XKR6: variants seen among roughly 807,000 people sequenced by gnomAD.
XKR6 encodes the protein XK related 6.
A neutral mutation model predicts 56.7 loss-of-function variants in XKR6; 22 were observed. The observed-to-expected ratio is 0.39, with a 90% CI of 0.28 to 0.55. The LOEUF (loss-of-function observed/expected upper bound fraction) is 0.55, where lower values mean the gene tolerates loss of function less well. Ranked by LOEUF, XKR6 falls within the 20% of genes least tolerant of loss-of-function variation. The pLI, the probability that XKR6 is intolerant of heterozygous loss-of-function variation, is 0.66. For synonymous variants in XKR6, 524 were observed against 387.8 expected, an observed-to-expected ratio of 1.35 and a Z score of -4.13; for missense variants, 852 against 889.0, an observed-to-expected ratio of 0.96 and a Z score of 0.53.
intron 1 of XKR6, among the ~76,000 whole-genome samples, chr8:11,159,848 C>T (rs1801705603): frequency 6.6e-6 from 1 of 152,188 alleles, no homozygotes; most frequent in Non-Finnish European, 1.5e-5. Context: ...TACCTTATCT[C>T]TTCTGGCCTT....
chr8:11,029,862 C>T (rs1798952590), intron 1 of XKR6, among the ~76,000 whole-genome samples: 1 of 152,154 alleles, frequency 6.6e-6, no homozygotes, highest in Non-Finnish European at 1.5e-5. Context: ...TCTTACCTTT[C>T]TATCCCTACT....
chr8:11,167,040 G>C (rs1276885160), intron 1 of XKR6, among the ~76,000 whole-genome samples: 1 of 152,226 alleles, frequency 6.6e-6, no homozygotes, highest in African/African-American at 2.4e-5. Flanking sequence ...TAGAAGGAAA[G>C]GCTTCTGTGG....
chr8:11,007,050 A>C (rs1452841347), intron 1 of XKR6, among the ~76,000 whole-genome samples: 1 of 152,220 alleles, frequency 6.6e-6, no homozygotes, highest in East Asian at 1.9e-4. Flanking sequence ...GCTTCTGATC[A>C]GGATTTAATT....
At chr8:10,962,100 A>G (rs1802081463) in intron 1 of XKR6, among the ~76,000 whole-genome samples, 2 of 152,228 alleles carry the variant, frequency 1.3e-5, no homozygotes, top group Non-Finnish European at 2.9e-5. Flanking sequence ...CCTAATCATG[A>G]CTTTCCGCGG....
chr8:10,905,544 G>C (rs1800163619), intron 2 of XKR6, among the ~76,000 whole-genome samples: 1 of 152,170 alleles, frequency 6.6e-6, no homozygotes, highest in African/African-American at 2.4e-5. Flanking sequence ...TAACTTGTAT[G>C]GCATTGTACC....
intron 1 of XKR6, chr8:11,128,701 T>G (rs1799951495): frequency 2.6e-6 from 1 of 384,238 alleles, no homozygotes; most frequent in Non-Finnish European, 5.1e-6. Context: ...TAAATGGCTG[T>G]TCATTAAACA....
rs1491345169 is a variant in XKR6 at position 11,086,157 on chromosome 8, T to TTA, written c.764+114418_764+114419insTA. On this transcript the variant is annotated intron_variant, in intron 1 of 2. Coordinates refer to ENST00000416569, the MANE Select transcript of XKR6 (RefSeq NM_173683.4). ...AAATATATATATATATATTTTTTTT[T>TTA]AAAAAAAACAAGCATAATTCATAAT... 7.0e-3 allele frequency among the ~76,000 whole-genome samples: 1,037 copies of TTA among 147,956 alleles called. 8 individuals are homozygous for TTA. The highest frequency in any genetic ancestry group is 0.02 in the South Asian group (96 of 4,716).
chr8:11,176,529 A>G (rs1386531693), intron 1 of XKR6, among the ~76,000 whole-genome samples: 2 of 152,172 alleles, frequency 1.3e-5, no homozygotes, highest in Non-Finnish European at 2.9e-5. Flanking sequence ...ATATTTTTAA[A>G]GAAATTATGT....
intron 1 of XKR6, among the ~76,000 whole-genome samples, chr8:11,075,746 A>G (rs1165684397): frequency 6.6e-6 from 1 of 152,098 alleles, no homozygotes; most frequent in African/African-American, 2.4e-5. Flanking sequence ...GGTGGTGAGC[A>G]CCTGTAGTCC....
rs187694464 is a variant in XKR6, at chr8:10,961,017, C to A, written c.765-36187G>T. Among the ~76,000 whole-genome samples the A allele has an allele frequency of 2.4e-4, 37 of 152,184 alleles. No individual in the cohort carries two copies. In the East Asian group the frequency reaches 6.8e-3, roughly 28 times the overall value. Reference sequence around the variant, plus strand: ...GTCCTGAACACTGAGTGAGGAGGAACCAGCCAGGCAAAGATCGAGGGGCAG... The same window carrying A: ...GTCCTGAACACTGAGTGAGGAGGAAACAGCCAGGCAAAGATCGAGGGGCAG... On this transcript the variant is annotated intron_variant, in intron 1 of 2. Transcript: ENST00000416569.
At chr8:10,983,810 C>G (rs892453998) in intron 1 of XKR6, among the ~76,000 whole-genome samples, 13 of 152,198 alleles carry the variant, frequency 8.5e-5, no homozygotes, top group Middle Eastern at 3.4e-3. Context: ...TGCCCGCCAC[C>G]ATGCCCGGCT....
intron 1 of XKR6, among the ~76,000 whole-genome samples, chr8:11,000,354 T>C (rs1405469551): frequency 3.9e-5 from 6 of 152,212 alleles, no homozygotes; most frequent in Non-Finnish European, 7.3e-5. Flanking sequence ...CATAATATGT[T>C]GTTTTCTTCC....
In XKR6 at chr8:11,053,905, C is replaced by T. The variant is rs970872748; in HGVS notation, c.765-129075G>A. On this transcript the variant is annotated intron_variant, in intron 1 of 2. Coordinates refer to ENST00000416569, the MANE Select transcript of XKR6 (RefSeq NM_173683.4). ...ATTTGATGATTTTAACATGTGTATA[C>T]GGAGTTTTCAGCCATGCACAAACAT... Among the ~76,000 whole-genome samples, 10 of 152,132 alleles carry T rather than the reference C, an allele frequency of 6.6e-5. No homozygotes were observed. In the South Asian group the frequency reaches 8.3e-4, roughly 13 times the overall value.
chr8:11,193,746 C>CCG (rs1554483957), intron 1 of XKR6, among the ~76,000 whole-genome samples: 1 of 139,098 alleles, frequency 7.2e-6, no homozygotes, highest in African/African-American at 2.6e-5. Flanking sequence ...TGACCCCCCC[C>CCG]CCCCCACAAA....
intron 1 of XKR6, among the ~76,000 whole-genome samples, chr8:11,098,989 T>C (rs2129175314): frequency 6.6e-6 from 1 of 152,324 alleles, no homozygotes; most frequent in South Asian, 2.1e-4. Flanking sequence ...ATTTTCTTTA[T>C]GGGTATAGTC....
chr8:11,187,546 C>T (rs1233718750), intron 1 of XKR6, among the ~76,000 whole-genome samples: 1 of 152,068 alleles, frequency 6.6e-6, no homozygotes, highest in Non-Finnish European at 1.5e-5. Context: ...TGGTTCTTCC[C>T]AGCATGTTAA....
At chr8:10,963,649 C>G (rs1802131075) in intron 1 of XKR6, among the ~76,000 whole-genome samples, 1 of 152,010 alleles carries the variant, frequency 6.6e-6, no homozygotes, top group Admixed American at 6.6e-5. Flanking sequence ...TCAAGCAATC[C>G]TCCCACCTCA....
chr8:10,967,004 C>T (rs567752314), intron 1 of XKR6, among the ~76,000 whole-genome samples: 7 of 152,088 alleles, frequency 4.6e-5, no homozygotes, highest in East Asian at 3.9e-4. Context: ...AGTGTGGTCT[C>T]GGAAGCAGAG....
At chr8:11,128,197 T>C (rs1384489190) in intron 1 of XKR6, among the ~76,000 whole-genome samples, 1 of 152,212 alleles carries the variant, frequency 6.6e-6, no homozygotes, top group Admixed American at 6.5e-5. Flanking sequence ...ACCACACTGA[T>C]CTGGTTTTCA....
Sources: gnomAD v4.1 joint callset for allele counts (sites outside exome capture counted in the v4.1 genomes callset) on GRCh38, gnomAD v4.1.1 for gene constraint, MANE v1.5 for transcripts, NCBI Gene and HGNC (gene_info 2026-07-23, HGNC 2026-07-21) for gene names.